NRP1: variants seen among roughly 807,000 people sequenced by gnomAD.
The protein encoded by NRP1 is neuropilin 1, also known as neuropilin-1.
NRP1 carries 35 observed loss-of-function variants against 106.7 expected under a neutral mutation model. The ratio of observed to expected loss-of-function variants is 0.33; its 90% CI spans 0.25 to 0.43. The LOEUF (loss-of-function observed/expected upper bound fraction) is 0.43, where lower values mean the gene tolerates loss of function less well. Ranked by LOEUF, NRP1 falls within the 20% of genes least tolerant of loss-of-function variation. The pLI is 1.00. For missense variants in NRP1, 1,024 were observed against 1,170.4 expected (o/e 0.87, Z 1.83); for synonymous variants, 437 against 417.9 (o/e 1.05, Z -0.56).
chr10:33,275,370 C>G (rs1291873621), intron 2 of NRP1, among the ~76,000 whole-genome samples: 1 of 152,054 alleles, frequency 6.6e-6, no homozygotes, highest in Non-Finnish European at 1.5e-5. Context: ...AGATCGAGAC[C>G]ATCCTGGCTA....
intron 2 of NRP1, among the ~76,000 whole-genome samples, chr10:33,287,265 T>A (rs1276874133): frequency 1.3e-5 from 2 of 152,214 alleles, no homozygotes; most frequent in Non-Finnish European, 2.9e-5. Context: ...TTCTCATTAA[T>A]GTGTGACAGG....
intron 11 of NRP1, chr10:33,200,877 A>G (rs1333921129): frequency 6.6e-6 from 1 of 152,252 alleles, no homozygotes; most frequent in Non-Finnish European, 1.5e-5. Context: ...AATAATGAAT[A>G]TGAAGCAGGA....
chr10:33,204,182 C>G (rs1237573000), intron 10 of NRP1, among the ~76,000 whole-genome samples: 1 of 152,064 alleles, frequency 6.6e-6, no homozygotes, highest in East Asian at 1.9e-4. Flanking sequence ...TGGCTGGGGC[C>G]TGTTCTCTTC....
At chr10:33,233,268 G>A (rs1840299236) in intron 6 of NRP1, among the ~76,000 whole-genome samples, 1 of 152,184 alleles carries the variant, frequency 6.6e-6, no homozygotes. Flanking sequence ...ACCTCCCCAC[G>A]GCACTGGGTT....
chr10:33,209,379 G>A (rs1838091051), intron 9 of NRP1, among the ~76,000 whole-genome samples: 1 of 152,210 alleles, frequency 6.6e-6, no homozygotes, highest in Non-Finnish European at 1.5e-5. Flanking sequence ...GCAAGTGGCA[G>A]GGCCAAGACT....
intron 9 of NRP1, 159 bp downstream of exon 9, chr10:33,213,227 T>C (rs1417583996): frequency 3.8e-6 from 6 of 1,567,890 alleles, no homozygotes; most frequent in Non-Finnish European, 5.2e-6. Context: ...GCCATATTCC[T>C]GTCTTCCTAG....
At chr10:33,328,007 T>C (rs1338876519) in intron 2 of NRP1, among the ~76,000 whole-genome samples, 1 of 152,082 alleles carries the variant, frequency 6.6e-6, no homozygotes, top group Non-Finnish European at 1.5e-5. Context: ...GATGACACCT[T>C]CACAGAGAGC....
chr10:33,212,870 CGTGCT>C, intron 9 of NRP1: 1 of 203,748 alleles, frequency 4.9e-6, no homozygotes, highest in South Asian at 1.1e-4. Context: ...GGGGTTTCAC[CGTGCT>C]GTCCAGTCTG....
chr10:33,258,354 T>TG (rs1842343793), intron 4 of NRP1, among the ~76,000 whole-genome samples: 1 of 152,244 alleles, frequency 6.6e-6, no homozygotes, highest in Admixed American at 6.5e-5. Context: ...GAATAATACC[T>TG]GATAATTTTT....
intron 8 of NRP1, among the ~76,000 whole-genome samples, chr10:33,218,453 C>T (rs555818657): frequency 1.3e-5 from 2 of 151,628 alleles, no homozygotes; most frequent in South Asian, 4.2e-4. Flanking sequence ...TCACGCCATT[C>T]TCCTGCCTCA....
intron 2 of NRP1, among the ~76,000 whole-genome samples, chr10:33,278,949 T>C (rs1479673949): frequency 1.3e-5 from 2 of 152,022 alleles, no homozygotes; most frequent in African/African-American, 2.4e-5. Flanking sequence ...CAAGGTATTA[T>C]GAAAATGAAG....
At chr10:33,302,594 G>A (rs145514943) in intron 2 of NRP1, among the ~76,000 whole-genome samples, 1 of 152,328 alleles carries the variant, frequency 6.6e-6, no homozygotes, top group Non-Finnish European at 1.5e-5. Context: ...ACTCCATGAA[G>A]TTGCAGGAGA....
chr10:33,232,005 G>A (rs1840175523), intron 6 of NRP1, among the ~76,000 whole-genome samples: 3 of 151,988 alleles, frequency 2.0e-5, no homozygotes, highest in Admixed American at 1.3e-4. Flanking sequence ...ATGAGCTCTG[G>A]TTGTTTTGAA....
In NRP1 at chr10:33,263,742, C is replaced by G. The variant is rs1173936257; in HGVS notation, c.562G>C (p.Glu188Gln). 1 of 1,613,840 alleles carries G rather than the reference C, an allele frequency of 6.2e-7. No homozygotes were observed. The highest frequency in any genetic ancestry group is 2.2e-5 in the East Asian group (1 of 44,858). ...FVPKMSEIIL[E>Q]FESFDLEPDS... ...GGCTCCAGGTCAAAGCTTTCAAATT[C>G]CAGGATAATCTCTGACATCTTTGGC... The change falls in exon 4 of 17, where the codon GAA becomes CAA. Residue 188 changes from glutamate (E) to glutamine (Q), a missense_variant. Physicochemically the swap from Glu to Gln is conservative, Grantham distance 29. Around this residue, in one of 5 missense-constraint regions of NRP1, gnomAD observed 279 missense variants for 327.4 expected, o/e 0.85. Transcript: ENST00000374867.
chr10:33,227,605 G>C (rs576784375), intron 6 of NRP1, among the ~76,000 whole-genome samples: 5 of 152,166 alleles, frequency 3.3e-5, no homozygotes, highest in African/African-American at 1.2e-4. Flanking sequence ...CCTTCTCCTG[G>C]TAAGTTTCCA....
intron 12 of NRP1, among the ~76,000 whole-genome samples, chr10:33,195,230 CA>C (rs2132646269): frequency 6.6e-6 from 1 of 152,238 alleles, no homozygotes; most frequent in South Asian, 2.1e-4. Context: ...TCAGTCTAAA[CA>C]AGCAGAGGTG....
chr10:33,264,254 T>C (rs1222641919), intron 3 of NRP1, among the ~76,000 whole-genome samples: 1 of 152,230 alleles, frequency 6.6e-6, no homozygotes. Context: ...CAGCCCTTTA[T>C]TGGTGAAATA....
chr10:33,325,198 T>C (rs187116656), intron 2 of NRP1, among the ~76,000 whole-genome samples: 2 of 152,330 alleles, frequency 1.3e-5, no homozygotes, highest in Admixed American at 1.3e-4. Flanking sequence ...GTATATATTC[T>C]TCTCTATTTC....
intron 13 of NRP1, among the ~76,000 whole-genome samples, chr10:33,192,043 T>C (rs1317449079): frequency 6.6e-6 from 1 of 151,496 alleles, no homozygotes; most frequent in East Asian, 1.9e-4. Context: ...CCCAATTTGC[T>C]GTTTTCAAGG....
Sources: gnomAD v4.1 joint callset for allele counts (sites outside exome capture counted in the v4.1 genomes callset) on GRCh38, gnomAD v4.1.1 for gene constraint, gnomAD v4.1.1 regional missense constraint, MANE v1.5 for transcripts, NCBI Gene and HGNC (gene_info 2026-07-23, HGNC 2026-07-21) for gene names.